The following ARHGAP15 variants were observed in gnomAD, a reference collection of about 807,000 sequenced individuals.
The protein encoded by ARHGAP15 is Rho GTPase activating protein 15.
Under a neutral mutation model 63.7 loss-of-function variants are expected in ARHGAP15, and 51 were observed. The ratio of observed to expected loss-of-function variants is 0.80; its 90% CI spans 0.64 to 1.01. The LOEUF (loss-of-function observed/expected upper bound fraction) is 1.01. Among genes scored for constraint, ARHGAP15 ranks in the 50% least tolerant of loss-of-function variants. The pLI is 0.00. For synonymous variants in ARHGAP15, 191 were observed against 193.8 expected, an observed-to-expected ratio of 0.99 and a Z score of 0.12; for missense variants, 560 against 564.6, an observed-to-expected ratio of 0.99 and a Z score of 0.08.
intron 6 of ARHGAP15, among the ~76,000 whole-genome samples, chr2:143,425,057 A>G (rs964115853): frequency 1.3e-5 from 2 of 152,178 alleles, no homozygotes; most frequent in Non-Finnish European, 2.9e-5. Flanking sequence ...ACAATAAATT[A>G]TATAGTCACC....
In ARHGAP15 at chr2:143,690,675, C is replaced by G. The variant is rs533091860; in HGVS notation, c.1139-12744C>G. Among the ~76,000 whole-genome samples, 24 of 152,050 alleles carry G rather than the reference C, an allele frequency of 1.6e-4. No homozygotes were observed. In the East Asian group the frequency reaches 1.7e-3, roughly 11 times the overall value. On this transcript the variant is annotated intron_variant, in intron 12 of 13. Coordinates refer to ENST00000295095, the MANE Select transcript of ARHGAP15 (RefSeq NM_018460.4). ...TCACTATCTAAACCACACCTTGGTT[C>G]TTTATAAAAAGAATTTTGGATTTTA...
intron 6 of ARHGAP15, among the ~76,000 whole-genome samples, chr2:143,310,908 C>T (rs1356953386): frequency 2.0e-5 from 3 of 151,910 alleles, no homozygotes; most frequent in African/African-American, 7.2e-5. Context: ...TATATGGTAA[C>T]ACCATACTTC....
intron 6 of ARHGAP15, among the ~76,000 whole-genome samples, chr2:143,393,316 C>T (rs1003137040): frequency 6.6e-6 from 1 of 151,902 alleles, no homozygotes; most frequent in African/African-American, 2.4e-5. Flanking sequence ...ATAATTTGTC[C>T]ACTAGATAGA....
intron 8 of ARHGAP15, among the ~76,000 whole-genome samples, chr2:143,486,842 G>A (rs1014839561): frequency 6.6e-6 from 1 of 152,116 alleles, no homozygotes; most frequent in Non-Finnish European, 1.5e-5. Flanking sequence ...CATAGAACTG[G>A]TAGTAATTAT....
At chr2:143,309,907 A>G (rs1356311157) in intron 6 of ARHGAP15, among the ~76,000 whole-genome samples, 1 of 150,782 alleles carries the variant, frequency 6.6e-6, no homozygotes, top group Non-Finnish European at 1.5e-5. Flanking sequence ...TACACACATG[A>G]TGATGATAGA....
intron 8 of ARHGAP15, among the ~76,000 whole-genome samples, chr2:143,473,139 A>C (rs959399175): frequency 2.0e-5 from 3 of 152,212 alleles, no homozygotes; most frequent in Non-Finnish European, 2.9e-5. Context: ...TGAAATGAGA[A>C]AAGAAATATT....
At chr2:143,584,992 T>G (rs1697057663) in intron 11 of ARHGAP15, among the ~76,000 whole-genome samples, 1 of 152,204 alleles carries the variant, frequency 6.6e-6, no homozygotes, top group Non-Finnish European at 1.5e-5. Context: ...TAAAACATTT[T>G]CTAAACATAC....
At chr2:143,555,691 A>T (rs1170945802) in intron 10 of ARHGAP15, among the ~76,000 whole-genome samples, 2 of 152,084 alleles carry the variant, frequency 1.3e-5, no homozygotes, top group Non-Finnish European at 2.9e-5. Context: ...AACTCATTTT[A>T]CCATTTCGCT....
At chr2:143,627,202 G>C (rs1224230083) in intron 12 of ARHGAP15, among the ~76,000 whole-genome samples, 1 of 152,082 alleles carries the variant, frequency 6.6e-6, no homozygotes, top group Non-Finnish European at 1.5e-5. Context: ...AGGCCAAATG[G>C]ACTAAGACAC....
chr2:143,578,383 C>T (rs1205344570), intron 11 of ARHGAP15, among the ~76,000 whole-genome samples: 2 of 152,090 alleles, frequency 1.3e-5, no homozygotes, highest in Admixed American at 1.3e-4. Context: ...AGAGATTTAA[C>T]TTTCAACAGG....
intron 11 of ARHGAP15, among the ~76,000 whole-genome samples, chr2:143,558,681 A>G (rs1695905247): frequency 6.6e-6 from 1 of 152,200 alleles, no homozygotes; most frequent in Non-Finnish European, 1.5e-5. Flanking sequence ...GTGTTTCCAT[A>G]CAAGGAGTTC....
At chr2:143,171,428 G>A (rs1690776401) in intron 2 of ARHGAP15, among the ~76,000 whole-genome samples, 1 of 152,030 alleles carries the variant, frequency 6.6e-6, no homozygotes, top group South Asian at 2.1e-4. Context: ...GAAGAGTGGG[G>A]GACTGGCAGT....
intron 8 of ARHGAP15, among the ~76,000 whole-genome samples, chr2:143,444,135 G>A (rs1690024631): frequency 6.6e-6 from 1 of 152,092 alleles, no homozygotes; most frequent in Non-Finnish European, 1.5e-5. Context: ...ATAACACCAT[G>A]AGCATATTTC....
chr2:143,275,005 T>TA (rs35572753), intron 6 of ARHGAP15, among the ~76,000 whole-genome samples: 50,885 of 144,928 alleles, frequency 0.35, 9,588 homozygotes, highest in Admixed American at 0.47. Flanking sequence ...TACTAAAAAT[T>TA]AAAAAAAAAA....
chr2:143,533,997 T>A (rs1327045163), intron 10 of ARHGAP15, among the ~76,000 whole-genome samples: 1 of 152,180 alleles, frequency 6.6e-6, no homozygotes, highest in East Asian at 1.9e-4. Context: ...ACTGGCTCCA[T>A]CTGACACCTC....
At chr2:143,151,265 A>T (rs979787159) in intron 1 of ARHGAP15, among the ~76,000 whole-genome samples, 1 of 152,014 alleles carries the variant, frequency 6.6e-6, no homozygotes, top group Non-Finnish European at 1.5e-5. Flanking sequence ...ACCTTATTTC[A>T]TAAAGGCTAA....
At chr2:143,389,493 G>A (rs143691141) in intron 6 of ARHGAP15, among the ~76,000 whole-genome samples, 305 of 152,178 alleles carry the variant, frequency 2.0e-3, no homozygotes, top group Middle Eastern at 3.4e-3. Flanking sequence ...CATTTTCCCC[G>A]GCAGGTTCAG....
intron 10 of ARHGAP15, among the ~76,000 whole-genome samples, chr2:143,551,973 C>T (rs1267885478): frequency 6.6e-6 from 1 of 152,090 alleles, no homozygotes; most frequent in Non-Finnish European, 1.5e-5. Flanking sequence ...AGCTCAGAAC[C>T]CAAGTAGAAA....
chr2:143,376,404 A>G (rs1175588445), intron 6 of ARHGAP15, among the ~76,000 whole-genome samples: 1 of 152,184 alleles, frequency 6.6e-6, no homozygotes, highest in Non-Finnish European at 1.5e-5. Flanking sequence ...ATTCATTGAT[A>G]GAATCAATTC....
Sources: gnomAD v4.1 joint callset for allele counts (sites outside exome capture counted in the v4.1 genomes callset) on GRCh38, gnomAD v4.1.1 for gene constraint, MANE v1.5 for transcripts, NCBI Gene and HGNC (gene_info 2026-07-23, HGNC 2026-07-21) for gene names.